PPIP5K1: variants seen among roughly 807,000 people sequenced by gnomAD.
PPIP5K1 encodes the protein inositol hexakisphosphate and diphosphoinositol-pentakisphosphate kinase 1.
PPIP5K1 carries 6 observed loss-of-function variants against 27.7 expected under a neutral mutation model. The ratio of observed to expected loss-of-function variants is 0.22; its 90% CI spans 0.12 to 0.43. PPIP5K1 has a LOEUF of 0.43. Ranked by LOEUF, PPIP5K1 falls within the 20% of genes least tolerant of loss-of-function variation. The pLI is 1.00. For missense variants in PPIP5K1, 394 were observed against 635.4 expected (o/e 0.62, Z 4.08); for synonymous variants, 145 against 242.6 (o/e 0.60, Z 3.74).
chr15:43,551,083 C>G (rs976335531), intron 30 of PPIP5K1, among the ~76,000 whole-genome samples: 2 of 152,178 alleles, frequency 1.3e-5, no homozygotes, highest in African/African-American at 4.8e-5. Flanking sequence ...AATGTGTTAT[C>G]TGACCTCAAG....
intron 26 of PPIP5K1, among the ~76,000 whole-genome samples, chr15:43,565,391 T>C (rs1362332991): frequency 7.7e-5 from 3 of 39,184 alleles, no homozygotes; most frequent in Admixed American, 3.5e-4. Flanking sequence ...CCCAGAAATC[T>C]AGTCCTTGTA....
At chr15:43,548,655 T>G (rs2081704608) in intron 30 of PPIP5K1, 1 of 150,402 alleles carries the variant, frequency 6.6e-6, no homozygotes, top group African/African-American at 2.5e-5. Context: ...CAGGTTCAGG[T>G]GATCCTCCTG....
chr15:43,542,307 G>T (rs972274115), intron 30 of PPIP5K1, among the ~76,000 whole-genome samples: 22 of 151,218 alleles, frequency 1.5e-4, no homozygotes, highest in Admixed American at 9.9e-4. Flanking sequence ...TTGGCGGGGG[G>T]GGGGGGCAGA....
intron 30 of PPIP5K1, among the ~76,000 whole-genome samples, chr15:43,544,809 T>C (rs1292297120): frequency 6.6e-6 from 1 of 152,076 alleles, no homozygotes; most frequent in Non-Finnish European, 1.5e-5. Flanking sequence ...CAAGACCCTG[T>C]CTCTAAAAAA....
chr15:43,553,794 G>C (rs566495330), intron 30 of PPIP5K1, among the ~76,000 whole-genome samples: 7 of 151,924 alleles, frequency 4.6e-5, no homozygotes, highest in African/African-American at 1.7e-4. Flanking sequence ...ACAGGTGCCC[G>C]CCACCACGCC....
chr15:43,556,155 T>A (rs1192037072), intron 30 of PPIP5K1, among the ~76,000 whole-genome samples: 3 of 151,496 alleles, frequency 2.0e-5, no homozygotes, highest in Non-Finnish European at 2.9e-5. Flanking sequence ...CTGTCTCTAC[T>A]AAAAAAATAC....
At chr15:43,538,224 A>G (rs2080168543) in intron 31 of PPIP5K1, among the ~76,000 whole-genome samples, 1 of 152,224 alleles carries the variant, frequency 6.6e-6, no homozygotes, top group African/African-American at 2.4e-5. Flanking sequence ...AAATAAAATA[A>G]TGAAAGGCAT....
chr15:43,534,627 C>T lies in PPIP5K1; in HGVS notation c.*47G>A. ...AGATGGATGCTGGGCTTGAGGAATACCCTCTCCAGGCAGCTGATCAATCAC... is the reference window on the plus strand; with the variant it reads ...AGATGGATGCTGGGCTTGAGGAATATCCTCTCCAGGCAGCTGATCAATCAC... On this transcript the variant is annotated 3_prime_UTR_variant, in exon 32 of 32. Coordinates refer to ENST00000420765, the MANE Select transcript of PPIP5K1 (RefSeq NM_001394395.1). The T allele has an allele frequency of 6.8e-7, 1 of 1,478,378 alleles. No individual in the cohort carries two copies. Among genetic ancestry groups the T allele is most frequent in the African/African-American group, 1.4e-5 (1 of 70,966 alleles). The allele number at this position is 1,478,378 out of a possible 1,614,324, so 91.6% of individuals were successfully genotyped here. A position where few individuals can be genotyped will look rare whatever the true frequency, so the allele number is the denominator to read the frequency against.
At chr15:43,551,644 C>T (rs1189665194) in intron 30 of PPIP5K1, among the ~76,000 whole-genome samples, 60 of 108,622 alleles carry the variant, frequency 5.5e-4, no homozygotes, top group African/African-American at 3.2e-3. Context: ...GCTCTGTCGC[C>T]CAGGCTGGAG....
intron 30 of PPIP5K1, among the ~76,000 whole-genome samples, chr15:43,552,761 G>C (rs1222917853): frequency 6.6e-6 from 1 of 151,348 alleles, no homozygotes. Flanking sequence ...TAAAAAAGGA[G>C]TCCAGGCGTG....
At chr15:43,542,678 G>A (rs908233568) in intron 30 of PPIP5K1, among the ~76,000 whole-genome samples, 2 of 151,048 alleles carry the variant, frequency 1.3e-5, no homozygotes, top group Non-Finnish European at 3.0e-5. Context: ...GTGTGTGTGT[G>A]TGTGTGTGTG....
chr15:43,552,112 C>T (rs922357675), intron 30 of PPIP5K1, among the ~76,000 whole-genome samples: 4 of 152,014 alleles, frequency 2.6e-5, no homozygotes, highest in Non-Finnish European at 5.9e-5. Flanking sequence ...CACCACCGCA[C>T]TTGGCTAATT....
At chr15:43,536,042 G>A in intron 31 of PPIP5K1, 1 of 1,221,404 alleles carries the variant, frequency 8.2e-7, no homozygotes, top group Middle Eastern at 3.4e-4. Context: ...TTCTGGGGCA[G>A]AGGTAATCAT....
chr15:43,542,316 G>A lies in PPIP5K1; in HGVS notation c.3557-2733C>T, dbSNP rs1351738463. 2.0e-5 allele frequency among the ~76,000 whole-genome samples: 3 copies of A among 148,572 alleles called. No individual in the cohort carries two copies. The Admixed American group carries it at 2.1e-4, about 10-fold the overall frequency. On this transcript the variant is annotated intron_variant, in intron 30 of 31. Transcript: ENST00000420765. ...TTAATTTTGGCGGGGGGGGGGGGCA[G>A]AGTCTTGCTCTGTCACCCATGCTAG... is the stretch of plus-strand genomic sequence containing the variant.
At chr15:43,540,967 T>C (rs755847545) in intron 30 of PPIP5K1, among the ~76,000 whole-genome samples, 1 of 152,060 alleles carries the variant, frequency 6.6e-6, no homozygotes, top group African/African-American at 2.4e-5. Context: ...AATTATTGCC[T>C]AGTATCATTC....
chr15:43,567,406 CTG>C (rs1232648505), intron 26 of PPIP5K1, among the ~76,000 whole-genome samples: 6 of 7,462 alleles, frequency 8.0e-4, no homozygotes, highest in African/African-American at 1.8e-3. Flanking sequence ...GCATGAGCCA[CTG>C]CGCCTGGCCA....
intron 30 of PPIP5K1, among the ~76,000 whole-genome samples, chr15:43,554,410 G>A (rs949189758): frequency 1.2e-4 from 19 of 152,030 alleles, no homozygotes; most frequent in African/African-American, 4.6e-4. Flanking sequence ...AGCCTCCCAA[G>A]TAACTAAGAC....
rs1364151055 is a variant in PPIP5K1 at position 43,534,881 on chromosome 15, A to G, written c.4266T>C (p.Leu1422=). The G allele has an allele frequency of 6.2e-7, 1 of 1,613,926 alleles. No homozygotes were observed. The highest frequency in any genetic ancestry group is 2.2e-5 in the East Asian group (1 of 44,872). ...VGVGSLVQET[L]VEVGSPAEEI... is the part of the protein sequence containing the mutation. ...CTTCAGCTGGGCTGCCAACTTCTAC[A>G]AGGGTTTCCTGGACCAAGCTACCAA... The change falls in exon 32 of 32, where the codon CTT becomes CTC. Residue 1422 remains leucine (L), a synonymous_variant. Transcript: ENST00000420765.
chr15:43,545,474 C>CTTTTT (rs56710390), intron 30 of PPIP5K1, among the ~76,000 whole-genome samples: 5 of 119,068 alleles, frequency 4.2e-5, no homozygotes, highest in Admixed American at 8.5e-5. Flanking sequence ...CTGTACACTT[C>CTTTTT]TTTTTTTTTT....
Sources: gnomAD v4.1 joint callset for allele counts (sites outside exome capture counted in the v4.1 genomes callset) on GRCh38, gnomAD v4.1.1 for gene constraint, MANE v1.5 for transcripts, NCBI Gene and HGNC (gene_info 2026-07-23, HGNC 2026-07-21) for gene names.